The following C13orf42 variants were observed in gnomAD, a reference collection of about 807,000 sequenced individuals.
C13orf42 encodes the protein chromosome 13 open reading frame 42, also known as uncharacterized protein C13orf42.
At chr13:51,163,623 C>T (rs1211960339) in intron 1 of C13orf42, among the ~76,000 whole-genome samples, 3 of 152,184 alleles carry the variant, frequency 2.0e-5, no homozygotes, top group Non-Finnish European at 2.9e-5. Flanking sequence ...TAAAGGGCCT[C>T]AATCCCCTGT....
intron 1 of C13orf42, among the ~76,000 whole-genome samples, chr13:51,122,211 A>G (rs1180513324): frequency 6.6e-6 from 1 of 152,044 alleles, no homozygotes; most frequent in East Asian, 1.9e-4. Flanking sequence ...TATATCAGAA[A>G]TATATATGAC....
In C13orf42 at chr13:51,087,939, A is replaced by T; in HGVS notation, c.551T>A (p.Val184Glu). 2.5e-6 allele frequency: 1 copy of T among 399,052 alleles called. No individual in the cohort carries two copies. The allele number at this position is 399,052 out of a possible 1,614,324, so 24.7% of individuals were successfully genotyped here. A position where few individuals can be genotyped will look rare whatever the true frequency, so the allele number is the denominator to read the frequency against. Residue 184 changes from valine to glutamate, a missense_variant, in exon 2 of 4, where the codon GTG (valine) becomes GAG (glutamate). Val to Glu is a moderately radical substitution (Grantham distance 121, BLOSUM62 -2). Coordinates refer to ENST00000563710, the MANE Select transcript of C13orf42 (RefSeq NM_001351589.3). The stretch of plus-strand genomic sequence containing the variant: ...TTCCTGGCACTCACCGTCAAAGTCC[A>T]CATCTTCATTTGGCAGGCTGGCCTC... ...AAEASLPNED[V>E]DFDVATSSRE...
chr13:51,088,821 G>GTCCTCTC (rs1953155310), intron 1 of C13orf42, among the ~76,000 whole-genome samples: 1 of 152,158 alleles, frequency 6.6e-6, no homozygotes, highest in Non-Finnish European at 1.5e-5. Context: ...AAAATAGAGA[G>GTCCTCTC]TTTCAAGAAT....
chr13:51,137,787 A>G (rs1433785396), intron 1 of C13orf42, among the ~76,000 whole-genome samples: 1 of 152,190 alleles, frequency 6.6e-6, no homozygotes, highest in African/African-American at 2.4e-5. Context: ...AAATCACATC[A>G]TCCCACAGTG....
chr13:51,109,078 C>T (rs1366950717), intron 1 of C13orf42, among the ~76,000 whole-genome samples: 14 of 152,214 alleles, frequency 9.2e-5, no homozygotes, highest in Non-Finnish European at 1.5e-5. Flanking sequence ...GCAACCCCTT[C>T]TGTCATCAGA....
chr13:51,133,611 G>A (rs1179365845), intron 1 of C13orf42, among the ~76,000 whole-genome samples: 2 of 152,096 alleles, frequency 1.3e-5, no homozygotes, highest in Non-Finnish European at 2.9e-5. Flanking sequence ...TGGGAGCCCT[G>A]GGGCTGGGTC....
intron 2 of C13orf42, among the ~76,000 whole-genome samples, chr13:51,086,505 A>T (rs984799518): frequency 8.7e-5 from 13 of 150,028 alleles, no homozygotes; most frequent in African/African-American, 1.8e-4. Context: ...TGTGTGTGTG[A>T]GAGAGAGAGT....
intron 1 of C13orf42, among the ~76,000 whole-genome samples, chr13:51,093,930 G>A (rs563254667): frequency 6.6e-6 from 1 of 152,178 alleles, no homozygotes; most frequent in Non-Finnish European, 1.5e-5. Context: ...GAAAGTTTTC[G>A]AGGTAACCAA....
chr13:51,144,166 A>G (rs147764884), intron 1 of C13orf42, among the ~76,000 whole-genome samples: 1,973 of 152,214 alleles, frequency 0.013, 19 homozygotes, highest in Admixed American at 0.019. Context: ...CAGGTTTCTG[A>G]TAACTTTGGA....
intron 1 of C13orf42, among the ~76,000 whole-genome samples, chr13:51,109,393 A>G (rs1463943877): frequency 3.3e-5 from 5 of 152,226 alleles, no homozygotes; most frequent in Non-Finnish European, 7.3e-5. Flanking sequence ...TCATCTGGTC[A>G]TCAGGAAAAT....
At chr13:51,103,989 A>G (rs974394294) in intron 1 of C13orf42, among the ~76,000 whole-genome samples, 2 of 152,218 alleles carry the variant, frequency 1.3e-5, no homozygotes, top group Admixed American at 6.5e-5. Context: ...AATGTACTTA[A>G]TGCCACTGCA....
chr13:51,132,317 T>C (rs913829826), intron 1 of C13orf42, among the ~76,000 whole-genome samples: 1 of 151,758 alleles, frequency 6.6e-6, no homozygotes, highest in South Asian at 2.1e-4. Flanking sequence ...GGCGTAATCC[T>C]AGCTACTCAG....
At chr13:51,151,685 A>G (rs1198186256) in intron 1 of C13orf42, among the ~76,000 whole-genome samples, 1 of 152,244 alleles carries the variant, frequency 6.6e-6, no homozygotes, top group Non-Finnish European at 1.5e-5. Flanking sequence ...CAGGTAAAGC[A>G]ACATGCTATG....
At chr13:51,156,364 G>A (rs913321261) in intron 1 of C13orf42, among the ~76,000 whole-genome samples, 8 of 152,150 alleles carry the variant, frequency 5.3e-5, no homozygotes, top group African/African-American at 1.2e-4. Flanking sequence ...TGTTCTAAGT[G>A]TTTTACACAG....
rs567809043 is a variant in C13orf42 at position 51,082,661 on chromosome 13, A to G, written c.*1490T>C. ...TGCTTTAATGCAGTTTATAAAACAA[A>G]TCTCCTAAACATTTACTTTCCAGTC... On this transcript the variant is annotated 3_prime_UTR_variant, in exon 4 of 4. Transcript: ENST00000563710. The G allele has an allele frequency of 2.6e-5, 4 of 152,350 alleles. No homozygotes were observed. Among genetic ancestry groups the G allele is most frequent in the African/African-American group, 9.6e-5 (4 of 41,576 alleles). 9.4% of individuals were successfully genotyped at this position (152,350 alleles called of 1,614,324 possible).
intron 1 of C13orf42, among the ~76,000 whole-genome samples, chr13:51,155,279 T>C (rs1401107401): frequency 1.3e-5 from 2 of 152,208 alleles, no homozygotes; most frequent in Admixed American, 6.5e-5. Flanking sequence ...ATAACTTTTT[T>C]AATACAGACA....
chr13:51,110,079 C>T (rs1305870976), intron 1 of C13orf42, among the ~76,000 whole-genome samples: 1 of 152,152 alleles, frequency 6.6e-6, no homozygotes, highest in African/African-American at 2.4e-5. Flanking sequence ...AGACTCTCTC[C>T]GTGTCTATGC....
At chr13:51,151,438 T>C (rs1437044954) in intron 1 of C13orf42, among the ~76,000 whole-genome samples, 1 of 152,072 alleles carries the variant, frequency 6.6e-6, no homozygotes, top group Non-Finnish European at 1.5e-5. Context: ...CTAGAGCCTC[T>C]AGAAGGAACT....
At chr13:51,151,852 G>T (rs1953780597) in intron 1 of C13orf42, among the ~76,000 whole-genome samples, 1 of 152,192 alleles carries the variant, frequency 6.6e-6, no homozygotes. Flanking sequence ...GGACTTACAT[G>T]GTCCCAGGGC....
Sources: gnomAD v4.1 joint callset for allele counts (sites outside exome capture counted in the v4.1 genomes callset) on GRCh38, gnomAD v4.1.1 for gene constraint, MANE v1.5 for transcripts, NCBI Gene and HGNC (gene_info 2026-07-23, HGNC 2026-07-21) for gene names.